Variants in RNGTT observed in about 807,000 individuals in gnomAD.
RNGTT encodes the protein RNA guanylyltransferase and 5'-phosphatase.
In RNGTT, 33 loss-of-function variants were observed where a neutral mutation model predicts 79.3. The ratio of observed to expected loss-of-function variants is 0.42; its 90% CI spans 0.32 to 0.56. The LOEUF is 0.56. RNGTT is among the 20% of genes least tolerant of loss of function. The pLI is 0.17. For missense variants in RNGTT, 497 were observed against 739.1 expected (o/e 0.67, Z 3.80); for synonymous variants, 222 against 235.9 (o/e 0.94, Z 0.54).
chr6:88,844,598 T>C (rs1166189324), intron 10 of RNGTT, 77 bp from the exon 11 acceptor site: 1 of 1,358,516 alleles, frequency 7.4e-7, no homozygotes, highest in Non-Finnish European at 1.0e-6. Flanking sequence ...GCTGCCACAA[T>C]GTACATAATA....
chr6:88,806,999 C>A (rs898064927), intron 11 of RNGTT, among the ~76,000 whole-genome samples: 1 of 152,128 alleles, frequency 6.6e-6, no homozygotes, highest in African/African-American at 2.4e-5. Context: ...AACGAAAAAA[C>A]AAAACACTGA....
chr6:88,863,263 A>G (rs1782069074), intron 8 of RNGTT, among the ~76,000 whole-genome samples: 1 of 152,212 alleles, frequency 6.6e-6, no homozygotes, highest in African/African-American at 2.4e-5. Flanking sequence ...AGATTTGGAC[A>G]ATTTGCCAAC....
At chr6:88,849,007 G>A (rs1262729787) in intron 10 of RNGTT, among the ~76,000 whole-genome samples, 2 of 152,046 alleles carry the variant, frequency 1.3e-5, no homozygotes, top group East Asian at 1.9e-4. Flanking sequence ...AGCCCAGACT[G>A]AACATGTATT....
At chr6:88,812,150 T>C (rs184658506) in intron 11 of RNGTT, among the ~76,000 whole-genome samples, 51 of 152,338 alleles carry the variant, frequency 3.3e-4, no homozygotes, top group Middle Eastern at 3.4e-3. Flanking sequence ...TTACCAATAG[T>C]GCCTAAACAA....
chr6:88,617,104 C>G (rs943866237), intron 14 of RNGTT, among the ~76,000 whole-genome samples: 1 of 152,188 alleles, frequency 6.6e-6, no homozygotes, highest in South Asian at 2.1e-4. Context: ...CCTGTCTCTA[C>G]TAAAAATACA....
At chr6:88,931,760 G>A (rs1161146071) in intron 2 of RNGTT, among the ~76,000 whole-genome samples, 2 of 152,152 alleles carry the variant, frequency 1.3e-5, no homozygotes, top group South Asian at 2.1e-4. Context: ...CCCTAACAGA[G>A]GGACCGGCTG....
chr6:88,843,362 A>G (rs533539436), intron 11 of RNGTT, among the ~76,000 whole-genome samples: 1 of 152,026 alleles, frequency 6.6e-6, no homozygotes, highest in Non-Finnish European at 1.5e-5. Flanking sequence ...GACTAGAAGC[A>G]ATCTAAAAAC....
chr6:88,659,010 G>A (rs62429082), intron 14 of RNGTT, among the ~76,000 whole-genome samples: 8 of 152,156 alleles, frequency 5.3e-5, no homozygotes, highest in Admixed American at 3.9e-4. Flanking sequence ...CACTGTGATC[G>A]TGTGAGTCAA....
chr6:88,890,970 G>C (rs1202770518), intron 7 of RNGTT, among the ~76,000 whole-genome samples: 1 of 152,192 alleles, frequency 6.6e-6, no homozygotes, highest in East Asian at 1.9e-4. Flanking sequence ...TTTCCCCAAC[G>C]TGAGACTGCC....
At chr6:88,758,313 A>G (rs978559463) in intron 13 of RNGTT, among the ~76,000 whole-genome samples, 6 of 152,202 alleles carry the variant, frequency 3.9e-5, no homozygotes, top group African/African-American at 9.6e-5. Flanking sequence ...TTCAATTTAG[A>G]AAATAATCAC....
intron 13 of RNGTT, among the ~76,000 whole-genome samples, chr6:88,729,072 G>A (rs7753081): frequency 3.3e-5 from 5 of 152,002 alleles, no homozygotes; most frequent in Non-Finnish European, 5.9e-5. Context: ...TGCCAAGCTC[G>A]CTCTCTGCTA....
chr6:88,724,759 C>A (rs1776830020), intron 13 of RNGTT, among the ~76,000 whole-genome samples: 1 of 152,212 alleles, frequency 6.6e-6, no homozygotes, highest in Non-Finnish European at 1.5e-5. Context: ...TTAAACTTAA[C>A]TTCCTCGTAA....
At chr6:88,714,003 T>G (rs2127808825) in intron 13 of RNGTT, among the ~76,000 whole-genome samples, 1 of 152,290 alleles carries the variant, frequency 6.6e-6, no homozygotes, top group Non-Finnish European at 1.5e-5. Context: ...AGTTCCAATC[T>G]TGGTCTGTTG....
At chr6:88,812,767 G>T (rs1780183017) in intron 11 of RNGTT, among the ~76,000 whole-genome samples, 1 of 152,162 alleles carries the variant, frequency 6.6e-6, no homozygotes, top group Non-Finnish European at 1.5e-5. Context: ...TGAAGCTCAT[G>T]AATTTATGAG....
At chr6:88,767,949 T>G (rs1778520738) in intron 13 of RNGTT, among the ~76,000 whole-genome samples, 1 of 152,164 alleles carries the variant, frequency 6.6e-6, no homozygotes, top group African/African-American at 2.4e-5. Flanking sequence ...AAAGACATTT[T>G]TGAAACTATC....
At chr6:88,689,567 C>T (rs575798313) in intron 13 of RNGTT, among the ~76,000 whole-genome samples, 11 of 145,094 alleles carry the variant, frequency 7.6e-5, no homozygotes, top group Admixed American at 4.2e-4. Context: ...GCACTCCAGC[C>T]TGGGGCAACA....
At chr6:88,834,607 T>C (rs1780999399) in intron 11 of RNGTT, among the ~76,000 whole-genome samples, 1 of 152,170 alleles carries the variant, frequency 6.6e-6, no homozygotes, top group African/African-American at 2.4e-5. Flanking sequence ...GCAAAAATTC[T>C]TTCTTCTCTT....
chr6:88,896,730 G>C (rs976632209), intron 6 of RNGTT, among the ~76,000 whole-genome samples: 1 of 152,144 alleles, frequency 6.6e-6, no homozygotes, highest in African/African-American at 2.4e-5. Flanking sequence ...GCTGTTTACA[G>C]TCAGAGAGTC....
At chr6:88,831,363 G>A (rs1362538661) in intron 11 of RNGTT, among the ~76,000 whole-genome samples, 1 of 152,122 alleles carries the variant, frequency 6.6e-6, no homozygotes, top group African/African-American at 2.4e-5. Context: ...AATAAATGCA[G>A]AAAAGGCCTT....
Sources: allele counts gnomAD v4.1 joint callset (sites outside exome capture counted in the v4.1 genomes callset), GRCh38; gene constraint gnomAD v4.1.1; transcripts MANE v1.5; gene names NCBI Gene and HGNC (gene_info 2026-07-23, HGNC 2026-07-21).